Variants in SUPT3H observed in about 807,000 individuals in gnomAD.
SUPT3H encodes SPT3 homolog, SAGA and STAGA complex component.
A neutral mutation model predicts 44.3 loss-of-function variants in SUPT3H; 44 were observed. The ratio of observed to expected loss-of-function variants is 0.99; its 90% CI spans 0.78 to 1.28. The LOEUF is 1.28. SUPT3H is among the 50% of genes most tolerant of loss of function. The pLI is 0.00. For missense variants in SUPT3H, 380 were observed against 387.1 expected (o/e 0.98, Z 0.15); for synonymous variants, 124 against 125.6 (o/e 0.99, Z 0.09).
At chr6:45,304,033 C>T (rs1782601354) in intron 2 of SUPT3H, among the ~76,000 whole-genome samples, 1 of 151,782 alleles carries the variant, frequency 6.6e-6, no homozygotes, top group Non-Finnish European at 1.5e-5. Context: ...TTGTACTTCT[C>T]TTTTAATAGA....
At chr6:45,344,177 T>C (rs761218350) in intron 2 of SUPT3H, among the ~76,000 whole-genome samples, 1 of 152,208 alleles carries the variant, frequency 6.6e-6, no homozygotes, top group Non-Finnish European at 1.5e-5. Flanking sequence ...AAATACTTAG[T>C]AGTATACAAA....
intron 10 of SUPT3H, among the ~76,000 whole-genome samples, chr6:44,834,170 G>A (rs948313190): frequency 2.6e-5 from 4 of 152,170 alleles, no homozygotes; most frequent in African/African-American, 9.7e-5. Flanking sequence ...GCTGAGAACA[G>A]TGGTAAAATG....
chr6:44,888,676 A>C (rs1228715992), intron 10 of SUPT3H, among the ~76,000 whole-genome samples: 1 of 151,940 alleles, frequency 6.6e-6, no homozygotes, highest in African/African-American at 2.4e-5. Context: ...ATGGGCAAAA[A>C]CTGGAAGCAT....
intron 2 of SUPT3H, among the ~76,000 whole-genome samples, chr6:45,224,523 A>C (rs1456428328): frequency 6.6e-6 from 1 of 152,186 alleles, no homozygotes; most frequent in African/African-American, 2.4e-5. Flanking sequence ...ATGAATAGGC[A>C]AGCAAGAGTT....
At chr6:44,907,909 CTTAG>C (rs956230135) in intron 10 of SUPT3H, among the ~76,000 whole-genome samples, 6 of 151,998 alleles carry the variant, frequency 3.9e-5, no homozygotes, top group African/African-American at 1.2e-4. Flanking sequence ...ACAAAACTTG[CTTAG>C]TTACTTTCTG....
At chr6:45,257,686 A>G (rs1407628914) in intron 2 of SUPT3H, among the ~76,000 whole-genome samples, 1 of 152,126 alleles carries the variant, frequency 6.6e-6, no homozygotes, top group African/African-American at 2.4e-5. Context: ...GGCATCCCAT[A>G]GGTGGAAGGT....
At chr6:45,121,520 G>T (rs181669549) in intron 2 of SUPT3H, among the ~76,000 whole-genome samples, 1,647 of 123,646 alleles carry the variant, frequency 0.013, 29 homozygotes, top group African/African-American at 0.045. Context: ...AAATTATGTG[G>T]GGGGGGGGGT....
intron 6 of SUPT3H, among the ~76,000 whole-genome samples, chr6:44,985,576 A>G (rs1779683345): frequency 6.6e-6 from 1 of 152,204 alleles, no homozygotes; most frequent in South Asian, 2.1e-4. Context: ...GCACCTGGAC[A>G]TACTCAGTTT....
intron 10 of SUPT3H, among the ~76,000 whole-genome samples, chr6:44,880,480 T>C (rs889468520): frequency 1.8e-4 from 28 of 152,012 alleles, no homozygotes; most frequent in African/African-American, 5.6e-4. Flanking sequence ...ACGGGGAGAA[T>C]GGAACCAAGT....
intron 6 of SUPT3H, among the ~76,000 whole-genome samples, chr6:44,979,139 C>G (rs1470198416): frequency 6.6e-6 from 1 of 152,140 alleles, no homozygotes; most frequent in Non-Finnish European, 1.5e-5. Flanking sequence ...TGCATACCCT[C>G]CTTTGCATAA....
In SUPT3H at chr6:44,829,787, G is replaced by A. The variant is rs1270608345; in HGVS notation, c.*29C>T. Reference sequence around the variant, plus strand: ...ACCTTAATATAACATTGCCTTTCCTGTTGTTGCAGGCACATCACAGTTGTC... The same window carrying A: ...ACCTTAATATAACATTGCCTTTCCTATTGTTGCAGGCACATCACAGTTGTC... On this transcript the variant is annotated 3_prime_UTR_variant, in exon 11 of 11. Transcript: ENST00000371459. 1.9e-5 allele frequency: 30 copies of A among 1,608,792 alleles called. No homozygotes were observed. Among genetic ancestry groups the A allele is most frequent in the African/African-American group, 2.7e-5 (2 of 74,598 alleles).
intron 2 of SUPT3H, among the ~76,000 whole-genome samples, chr6:45,266,977 A>C (rs756180703): frequency 6.6e-6 from 1 of 152,194 alleles, no homozygotes; most frequent in Non-Finnish European, 1.5e-5. Context: ...ACTGTTCAGC[A>C]AACAAAATTA....
chr6:44,810,497 G>C (rs1301014460), intron 11 of SUPT3H, among the ~76,000 whole-genome samples: 1 of 151,490 alleles, frequency 6.6e-6, no homozygotes, highest in African/African-American at 2.4e-5. Context: ...ATATAGCTCA[G>C]TATTTAAGTT....
At chr6:44,883,220 C>G (rs1354453515) in intron 10 of SUPT3H, among the ~76,000 whole-genome samples, 1 of 152,118 alleles carries the variant, frequency 6.6e-6, no homozygotes, top group Non-Finnish European at 1.5e-5. Flanking sequence ...GCAAAAATCA[C>G]AAGCATTCCT....
At chr6:45,292,694 C>A (rs1446861350) in intron 2 of SUPT3H, among the ~76,000 whole-genome samples, 2 of 139,190 alleles carry the variant, frequency 1.4e-5, no homozygotes, top group African/African-American at 2.6e-5. Context: ...ATTCTTATAC[C>A]AGACAAAAGA....
chr6:44,903,581 C>T (rs1354199476), intron 10 of SUPT3H, among the ~76,000 whole-genome samples: 1 of 152,128 alleles, frequency 6.6e-6, no homozygotes, highest in Non-Finnish European at 1.5e-5. Flanking sequence ...GATGGATTCA[C>T]AGCCGAATTC....
intron 10 of SUPT3H, among the ~76,000 whole-genome samples, chr6:44,885,791 G>A (rs905927547): frequency 1.3e-5 from 2 of 152,200 alleles, no homozygotes; most frequent in Non-Finnish European, 2.9e-5. Context: ...GTTGAGAGAA[G>A]AAGGCTTCAG....
chr6:44,922,321 A>C (rs1768854498), intron 10 of SUPT3H, among the ~76,000 whole-genome samples: 1 of 152,250 alleles, frequency 6.6e-6, no homozygotes, highest in Non-Finnish European at 1.5e-5. Flanking sequence ...AATAAGAGTA[A>C]GGTATCAGTT....
intron 1 of SUPT3H, among the ~76,000 whole-genome samples, chr6:45,367,778 T>TC (rs1795397207): frequency 6.6e-6 from 1 of 152,192 alleles, no homozygotes; most frequent in African/African-American, 2.4e-5. Flanking sequence ...TGCTCCTTTT[T>TC]CATTTTCAAA....
Sources: gnomAD v4.1 joint callset for allele counts (sites outside exome capture counted in the v4.1 genomes callset) on GRCh38, gnomAD v4.1.1 for gene constraint, MANE v1.5 for transcripts, NCBI Gene and HGNC (gene_info 2026-07-23, HGNC 2026-07-21) for gene names.